The following GHDC variants were observed in gnomAD, a reference collection of about 807,000 sequenced individuals.
GHDC encodes GH3 domain containing, also known as GH3 domain-containing protein.
GHDC carries 39 observed loss-of-function variants against 51.5 expected under a neutral mutation model. The ratio of observed to expected loss-of-function variants is 0.76; its 90% confidence interval spans 0.59 to 0.99. GHDC has a LOEUF of 0.99. Among genes scored for constraint, GHDC ranks in the 50% least tolerant of loss-of-function variants. The probability of loss-of-function intolerance (pLI) is 0.00; values close to 1 mark genes in which losing one functional copy is unlikely to be tolerated. For synonymous variants in GHDC, 282 were observed against 305.2 expected, an observed-to-expected ratio of 0.92 and a Z score of 0.79; for missense variants, 610 against 672.8, an observed-to-expected ratio of 0.91 and a Z score of 1.03.
intron 2 of GHDC, 86 bp from the exon 3 acceptor site, chr17:42,193,680 A>T: frequency 7.0e-7 from 1 of 1,420,302 alleles, no homozygotes. Context: ...AGGAAAACCG[A>T]GGAAAAATGA....
chr17:42,191,091 T>G lies in GHDC; in HGVS notation c.1009A>C (p.Thr337Pro), dbSNP rs780248912. Residue 337 changes from threonine to proline, a missense_variant, in exon 6 of 10, where the codon ACC (threonine) becomes CCC (proline). By Grantham distance (38) the Thr-to-Pro change is conservative (BLOSUM62 -1). This residue lies in a region of GHDC where 412 missense variants were observed against 410.4 expected (regional missense o/e 1.00). Coordinates refer to ENST00000587427, the MANE Select transcript of GHDC (RefSeq NM_032484.5). ...TGCTGGGCCTCGGCCAAAAGGAGGG[T>G]GGAGGCAGCTTCCTCCTGGGTGCCT... Reference protein sequence around the residue: ...KEGTQEEAASTLLLAEAQQGK... With the variant: ...KEGTQEEAASPLLLAEAQQGK... 1 of 1,575,818 alleles carries G rather than the reference T, an allele frequency of 6.3e-7. No individual in the cohort carries two copies. Among genetic ancestry groups the G allele is most frequent in the Non-Finnish European group, 8.6e-7 (1 of 1,164,054 alleles).
Position 42,189,829 on chromosome 17 carries a change from C to A in GHDC, c.1467G>T (p.Gln489His). 6.4e-7 allele frequency: 1 copy of A among 1,560,416 alleles called. No homozygotes were observed. The highest frequency in any genetic ancestry group is 1.2e-5 in the South Asian group (1 of 84,798). The change falls in exon 10 of 10, where the codon CAG becomes CAT. Residue 489 changes from glutamine to histidine, a missense_variant. By Grantham distance (24) the Gln-to-His change is conservative. Coordinates refer to ENST00000587427, the MANE Select transcript of GHDC (RefSeq NM_032484.5). ...VGPARVHLVGQGAFRALRAAL... is the reference protein window; with the variant it reads ...VGPARVHLVGHGAFRALRAAL... ...CTGCCCGGAGTGCTCGGAAGGCTCCCTGCCCCACCAGGTGGACTCTGGCAG... is the reference window on the plus strand; with the variant it reads ...CTGCCCGGAGTGCTCGGAAGGCTCCATGCCCCACCAGGTGGACTCTGGCAG...
In GHDC at chr17:42,193,404, G is replaced by T; in HGVS notation, c.178C>A (p.Leu60Ile). The change falls in exon 3 of 10, where the codon CTC (leucine) becomes ATC (isoleucine). Residue 60 changes from leucine (L) to isoleucine (I), a missense_variant. Transcript: ENST00000587427. ...TGCTGCTGGCTCTGGTGCACATGGAGCGTGCTCTGCTCCAGCCTCCGCCGC... is the reference window on the plus strand; with the variant it reads ...TGCTGCTGGCTCTGGTGCACATGGATCGTGCTCTGCTCCAGCCTCCGCCGC... The part of the protein sequence containing the change: ...WQRRRLEQST[L>I]HVHQSQQQAL... The T allele has an allele frequency of 6.3e-7, 1 of 1,586,552 alleles. No homozygotes were observed.
In GHDC at chr17:42,193,399, A is replaced by G. The variant is rs2079985255; in HGVS notation, c.183T>C (p.His61=). The part of the protein sequence containing the change: ...QRRRLEQSTL[H]VHQSQQQALR... Reference sequence around the variant, plus strand: ...GGGCCTGCTGCTGGCTCTGGTGCACATGGAGCGTGCTCTGCTCCAGCCTCC... The same window carrying G: ...GGGCCTGCTGCTGGCTCTGGTGCACGTGGAGCGTGCTCTGCTCCAGCCTCC... Residue 61 remains histidine (H), a synonymous_variant, in exon 3 of 10, where the codon CAT becomes CAC. Coordinates refer to ENST00000587427, the MANE Select transcript of GHDC (RefSeq NM_032484.5). 4 of 1,591,416 alleles carry G rather than the reference A, an allele frequency of 2.5e-6. No homozygotes were observed. The South Asian group carries it at 4.6e-5, about 18-fold the overall frequency.
rs148094834 is a variant in GHDC at position 42,190,850 on chromosome 17, A to C, written c.1136T>G (p.Val379Gly). ...CACCTACCTGCAGATGAACCTGACG[A>C]CTGGACACTGATTGTAGGCACCAAC... is the stretch of plus-strand genomic sequence containing the variant. ...RVVGAYNQCP[V>G]VRFICRLDQT... Residue 379 changes from valine (V) to glycine (G), a missense_variant, in exon 7 of 10, where the codon GTC (valine) becomes GGC (glycine). Physicochemically the swap from Val to Gly is moderately radical, Grantham distance 109 (BLOSUM62 -3). Transcript: ENST00000587427. 5.4e-4 allele frequency: 874 copies of C among 1,612,904 alleles called. 2 individuals carry two copies. Among genetic ancestry groups the C allele is most frequent in the Non-Finnish European group, 5.5e-4 (646 of 1,179,666 alleles).
chr17:42,192,807 G>T, intron 4 of GHDC, 65 bp from the exon 5 acceptor site: 6 of 1,548,840 alleles, frequency 3.9e-6, no homozygotes, highest in Non-Finnish European at 5.2e-6. Context: ...CCATTTGGGG[G>T]TTCTTTGCCC....
In GHDC at chr17:42,190,220, C is replaced by G. The variant is rs753200015; in HGVS notation, c.1339G>C (p.Gly447Arg). 1.2e-6 allele frequency: 2 copies of G among 1,614,170 alleles called. No individual in the cohort carries two copies. The highest frequency in any genetic ancestry group is 1.7e-6 in the Non-Finnish European group (2 of 1,180,024). The stretch of plus-strand genomic sequence containing the variant: ...TTTTCCTCTGACAGATTCCTCAGCC[C>G]CCTCAGCGCCACAAACACCTCGTAG... ...PHYEVFVALR[G>R]LRNLSEENRD... Residue 447 changes from glycine to arginine, a missense_variant, in exon 9 of 10, where the codon GGG becomes CGG. Physicochemically the swap from Gly to Arg is moderately radical, Grantham distance 125. Coordinates refer to ENST00000587427, the MANE Select transcript of GHDC (RefSeq NM_032484.5).
In GHDC at chr17:42,192,982, T is replaced by C; in HGVS notation, c.311A>G (p.Gln104Arg). Residue 104 changes from glutamine to arginine, a missense_variant, in exon 4 of 10, where the codon CAG (glutamine) becomes CGG (arginine). By Grantham distance (43) the Gln-to-Arg change is conservative (BLOSUM62 1). Around this residue, in one of 2 missense-constraint regions of GHDC, gnomAD observed 198 missense variants for 262.3 expected, o/e 0.75. Coordinates refer to ENST00000587427, the MANE Select transcript of GHDC (RefSeq NM_032484.5). ...CTCTCCACTGTCTTCCTGCTGGGTC[T>C]GGCTGGCCTTGGTCAGAGGGAGATG... ...RNHLPLTKAS[Q>R]TQQEDSGEQP... The C allele has an allele frequency of 6.2e-7, 1 of 1,614,094 alleles. No individual in the cohort carries two copies. The highest frequency in any genetic ancestry group is 8.5e-7 in the Non-Finnish European group (1 of 1,180,012).
In GHDC at chr17:42,191,200, G is replaced by T; in HGVS notation, c.900C>A (p.Gly300=). 1.3e-6 allele frequency: 2 copies of T among 1,513,430 alleles called. No individual in the cohort carries two copies. The highest frequency in any genetic ancestry group is 2.6e-5 in the South Asian group (2 of 77,966). 93.8% of individuals were successfully genotyped at this position (1,513,430 alleles called of 1,614,324 possible). A position where few individuals can be genotyped will look rare whatever the true frequency, so the allele number is the denominator to read the frequency against. The change falls in exon 6 of 10, where the codon GGC becomes GGA. Residue 300 remains glycine, a synonymous_variant. Coordinates refer to ENST00000587427, the MANE Select transcript of GHDC (RefSeq NM_032484.5). The part of the protein sequence containing the change: ...PAYAASGGVL[G]LNLQPEQPHG... ...GGGGCTGCTCTGGCTGTAGGTTTAG[G>T]CCCAGCACCCCTGTGAAAGCAAAGC...
chr17:42,190,375 A>C (rs2144162732), intron 8 of GHDC, 105 bp from the exon 9 acceptor site: 2 of 1,594,286 alleles, frequency 1.3e-6, no homozygotes, highest in East Asian at 4.6e-5. Flanking sequence ...ATTCATAGGG[A>C]AAAAAGAGTT....
chr17:42,190,452 G>A (rs1411868880), intron 8 of GHDC, 172 bp downstream of exon 8: 21 of 1,442,652 alleles, frequency 1.5e-5, no homozygotes, highest in Non-Finnish European at 1.9e-5. Flanking sequence ...GACAGATCAG[G>A]AAAGAAAATG....
chr17:42,189,341 AC>A lies in GHDC; in HGVS notation c.*361del. On this transcript the variant is annotated 3_prime_UTR_variant, in exon 10 of 10. Transcript: ENST00000587427. ...AGGGTTGCTGCTCCTGGGGACATTA[AC>A]CCCCCAACACTTCTAGCTTGCCCAG... The A allele has an allele frequency of 2.6e-6, 1 of 391,998 alleles. No homozygotes were observed. The highest frequency in any genetic ancestry group is 4.5e-6 in the Non-Finnish European group (1 of 222,736). 24.3% of individuals were successfully genotyped at this position (391,998 alleles called of 1,614,324 possible).
chr17:42,192,494 GC>G lies in GHDC; in HGVS notation c.635del (p.Gly212AlafsTer9), dbSNP rs1324028119. 1 of 1,613,720 alleles carries G rather than the reference GC, an allele frequency of 6.2e-7. No homozygotes were observed. The highest frequency in any genetic ancestry group is 8.5e-7 in the Non-Finnish European group (1 of 1,180,030). On this transcript the variant is annotated frameshift_variant, in exon 5 of 10. Transcript: ENST00000587427. LOFTEE classifies it high-confidence loss of function. ...CTAGCTCTTCACCATCAGTCTCCAG[GC>G]CCAAGAAAACATCCAGAAGTTCGAC... Reference protein sequence around the residue: ...TAVELLDVFLGLETDGEELAG... With the variant: ...TAVELLDVFLXLETDGEELAG...
Position 42,191,052 on chromosome 17 carries a change from C to G in GHDC, c.1048G>C (p.Glu350Gln), listed in dbSNP as rs1248727038. ...CTGGCGCGGTCCGTCAGCACCAGCT[C>G]ATACTCCTTGCCCTGCTGGGCCTCG... Reference protein sequence around the residue: ...LAEAQQGKEYELVLTDRASLT... With the variant: ...LAEAQQGKEYQLVLTDRASLT... The change falls in exon 6 of 10, where the codon GAG (glutamate) becomes CAG (glutamine). Residue 350 changes from glutamate (E) to glutamine (Q), a missense_variant. Glu to Gln is a conservative substitution (Grantham distance 29). Around this residue, in one of 2 missense-constraint regions of GHDC, gnomAD observed 412 missense variants for 410.4 expected, o/e 1.00. Transcript: ENST00000587427. 2 of 1,585,824 alleles carry G rather than the reference C, an allele frequency of 1.3e-6. No homozygotes were observed. The highest frequency in any genetic ancestry group is 1.1e-5 in the South Asian group (1 of 87,540).
Position 42,189,843 on chromosome 17 carries a change from G to A in GHDC, c.1453C>T (p.His485Tyr), listed in dbSNP as rs1376213992. 3 of 1,561,034 alleles carry A rather than the reference G, an allele frequency of 1.9e-6. No individual in the cohort carries two copies. The African/African-American group carries it at 4.1e-5, about 21-fold the overall frequency. The change falls in exon 10 of 10, where the codon CAC becomes TAC. Residue 485 changes from histidine (H) to tyrosine (Y), a missense_variant. By Grantham distance (83) the His-to-Tyr change is moderately conservative. This residue lies in a region of GHDC where 412 missense variants were observed against 410.4 expected (regional missense o/e 1.00). Coordinates refer to ENST00000587427, the MANE Select transcript of GHDC (RefSeq NM_032484.5). ...CGGAAGGCTCCCTGCCCCACCAGGT[G>A]GACTCTGGCAGGGCCCACGCTGCCC... is the stretch of plus-strand genomic sequence containing the variant. ...FWGSVGPARVHLVGQGAFRAL... is the reference protein window; with the variant it reads ...FWGSVGPARVYLVGQGAFRAL...
Position 42,192,565 on chromosome 17 carries a change from C to T in GHDC, c.565G>A (p.Ala189Thr), listed in dbSNP as rs556794556. The change falls in exon 5 of 10, where the codon GCA (alanine) becomes ACA (threonine). Residue 189 changes from alanine (A) to threonine (T), a missense_variant. Physicochemically the swap from Ala to Thr is moderately conservative, Grantham distance 58. Around this residue, in one of 2 missense-constraint regions of GHDC, gnomAD observed 198 missense variants for 262.3 expected, o/e 0.75. Transcript: ENST00000587427. The part of the protein sequence containing the change: ...TKDPRALLLD[A>T]LRSPGLRALE... ...GCCCTCAGCCCTGGGGACCTCAGTGCGTCCAGCAGCAGGGCCCTAGGGTCC... is the reference window on the plus strand; with the variant it reads ...GCCCTCAGCCCTGGGGACCTCAGTGTGTCCAGCAGCAGGGCCCTAGGGTCC... 8.7e-6 allele frequency: 14 copies of T among 1,613,642 alleles called. No individual in the cohort carries two copies. In the South Asian group the frequency reaches 8.8e-5, roughly 10 times the overall value.
rs773165120 is a variant in GHDC, at chr17:42,192,335, CAG to C, written c.793_794del (p.Leu265GlyfsTer85). 9 of 1,612,960 alleles carry C rather than the reference CAG, an allele frequency of 5.6e-6. No individual in the cohort carries two copies. Among genetic ancestry groups the C allele is most frequent in the East Asian group, 2.2e-5 (1 of 44,884 alleles). On this transcript the variant is annotated frameshift_variant, in exon 5 of 10. Coordinates refer to ENST00000587427, the MANE Select transcript of GHDC (RefSeq NM_032484.5). LOFTEE classifies it high-confidence loss of function. ...CAGCCTCGGCCTGGCCTCCTGCATC[CAG>C]AGTCACCACCACCTGCAGCTTTGGC... ...LWPKLQVVVT[L>X]DAGGQAEAVA...
rs765414786 is a variant in GHDC, at chr17:42,192,438, G to A, written c.692C>T (p.Ala231Val). 6.2e-6 allele frequency: 10 copies of A among 1,613,368 alleles called. No homozygotes were observed. Among genetic ancestry groups the A allele is most frequent in the East Asian group, 4.5e-5 (2 of 44,886 alleles). ...CTCAGCTGCCCGTTCACGGAGAGGC[G>A]CTCCAGGGTTCCCGGCAGCTATCGC... Reference protein sequence around the residue: ...AGAIAAGNPGAPLRERAAELR... With the variant: ...AGAIAAGNPGVPLRERAAELR... Residue 231 changes from alanine to valine, a missense_variant, in exon 5 of 10, where the codon GCG (alanine) becomes GTG (valine). Transcript: ENST00000587427.
At position 42,189,694 on chromosome 17, in the gene GHDC, G is replaced by C; in HGVS notation, c.*9C>G. ...CTGGGGGGAGCTGGGCGGTGGGGCA[G>C]GACTTGACTCAGGACACCACCCTCT... On this transcript the variant is annotated 3_prime_UTR_variant, in exon 10 of 10. Coordinates refer to ENST00000587427, the MANE Select transcript of GHDC (RefSeq NM_032484.5). 7.0e-7 allele frequency: 1 copy of C among 1,428,764 alleles called. No homozygotes were observed. Among genetic ancestry groups the C allele is most frequent in the Non-Finnish European group, 9.2e-7 (1 of 1,084,992 alleles). 88.5% of individuals were successfully genotyped at this position (1,428,764 alleles called of 1,614,324 possible).
Sources: gnomAD v4.1 joint callset for allele counts on GRCh38, gnomAD v4.1.1 for gene constraint, gnomAD v4.1.1 regional missense constraint, MANE v1.5 for transcripts, NCBI Gene and HGNC (gene_info 2026-07-23, HGNC 2026-07-21) for gene names.